Variants in LCOR observed in about 807,000 individuals in gnomAD.
LCOR encodes ligand dependent nuclear receptor corepressor.
In LCOR, 14 loss-of-function variants were observed where a neutral mutation model predicts 64.4. The ratio of observed to expected loss-of-function variants is 0.22; its 90% CI spans 0.14 to 0.34. The LOEUF is 0.34. Among genes scored for constraint, LCOR ranks in the 10% least tolerant of loss-of-function variants. The probability of loss-of-function intolerance (pLI) is 1.00; values close to 1 mark genes in which losing one functional copy is unlikely to be tolerated. For missense variants in LCOR, 1,686 were observed against 1,765.3 expected, an observed-to-expected ratio of 0.96 and a Z score of 0.80; for synonymous variants, 643 against 642.5, an observed-to-expected ratio of 1.00 and a Z score of -0.01.
intron 2 of LCOR, among the ~76,000 whole-genome samples, chr10:96,884,526 TG>T (rs1423913572): frequency 1.3e-5 from 2 of 152,204 alleles, no homozygotes; most frequent in Non-Finnish European, 2.9e-5. Context: ...TTTCTGCACC[TG>T]GGGGTGCAGT....
intron 2 of LCOR, among the ~76,000 whole-genome samples, chr10:96,860,778 T>A (rs1845875731): frequency 2.0e-5 from 3 of 152,246 alleles, no homozygotes. Context: ...ATAGTTACAG[T>A]TTAGCTGAAC....
intron 2 of LCOR, among the ~76,000 whole-genome samples, chr10:96,876,013 TAA>T (rs78165964): frequency 7.1e-5 from 10 of 140,072 alleles, no homozygotes; most frequent in Non-Finnish European, 7.8e-5. Context: ...ACTTAAACAT[TAA>T]AAAAAAAAAA....
chr10:96,881,860 G>A (rs1935662693), intron 2 of LCOR, among the ~76,000 whole-genome samples: 1 of 152,164 alleles, frequency 6.6e-6, no homozygotes, highest in Admixed American at 6.5e-5. Context: ...CATGTGATCT[G>A]TCTTCCATTG....
intron 2 of LCOR, among the ~76,000 whole-genome samples, chr10:96,906,374 T>C (rs2134451943): frequency 6.6e-6 from 1 of 152,292 alleles, no homozygotes; most frequent in East Asian, 1.9e-4. Flanking sequence ...CCCGGTGAGG[T>C]CCATGGCAAA....
At chr10:96,853,301 GCCT>G (rs1845750826) in intron 2 of LCOR, among the ~76,000 whole-genome samples, 1 of 152,154 alleles carries the variant, frequency 6.6e-6, no homozygotes, top group African/African-American at 2.4e-5. Context: ...GCCCGCCTCA[GCCT>G]CCCAAGTGCT....
In LCOR at chr10:96,958,802, T is replaced by A. The variant is rs190311815; in HGVS notation, c.332+6606T>A. 1.6e-3 allele frequency: 281 copies of A among 180,010 alleles called. 1 individual carries two copies. The highest frequency in any genetic ancestry group is 7.2e-3 in the Middle Eastern group (3 of 416). 11.2% of individuals were successfully genotyped at this position (180,010 alleles called of 1,614,324 possible). On this transcript the variant is annotated intron_variant, in intron 7 of 7. Coordinates refer to ENST00000421806, the MANE Select transcript of LCOR (RefSeq NM_001346516.2). ...ATTTTAAAGCACTAATTGCATTACA[T>A]TGGTAACTGCAATATAAAATAGCCA...
At chr10:96,870,997 C>T (rs1194856635) in intron 2 of LCOR, among the ~76,000 whole-genome samples, 2 of 152,030 alleles carry the variant, frequency 1.3e-5, no homozygotes, top group East Asian at 1.9e-4. Context: ...ATTGAGCTCC[C>T]GAAGTACAGA....
In LCOR at chr10:96,983,620, G is replaced by C. The variant is rs1427412225; in HGVS notation, c.3160G>C (p.Ala1054Pro). The C allele has an allele frequency of 6.2e-7, 1 of 1,614,052 alleles. No homozygotes were observed. Among genetic ancestry groups the C allele is most frequent in the Admixed American group, 1.7e-5 (1 of 59,998 alleles). Residue 1054 changes from alanine (A) to proline (P), a missense_variant, in exon 8 of 8, where the codon GCT (alanine) becomes CCT (proline). By Grantham distance (27) the Ala-to-Pro change is conservative. Transcript: ENST00000421806. This position sits in a 1 kb window ranked among gnomAD's most constrained non-coding sequence, Gnocchi z 4.5. The stretch of plus-strand genomic sequence containing the variant: ...CGCTCATTCTCTGGGCTCCTTGGAT[G>C]CTTCAAAAGTGACTTCAGAAAAGGA... ...RHAHSLGSLD[A>P]SKVTSEKEAA...
At chr10:96,924,372 T>C (rs553274443) in intron 4 of LCOR, among the ~76,000 whole-genome samples, 5 of 128,606 alleles carry the variant, frequency 3.9e-5, no homozygotes, top group African/African-American at 2.1e-4. Flanking sequence ...CCAGCCAATT[T>C]GTTTTTGTTT....
intron 4 of LCOR, among the ~76,000 whole-genome samples, chr10:96,914,515 C>T (rs368809070): frequency 6.6e-6 from 1 of 152,324 alleles, no homozygotes; most frequent in South Asian, 2.1e-4. Flanking sequence ...TATTTTAATA[C>T]ATTGAAAGTT....
In LCOR at chr10:96,983,544, A is replaced by C. The variant is rs953338549; in HGVS notation, c.3084A>C (p.Lys1028Asn). 1.2e-6 allele frequency: 2 copies of C among 1,614,004 alleles called. No homozygotes were observed. The highest frequency in any genetic ancestry group is 3.3e-5 in the Admixed American group (2 of 60,012). The change falls in exon 8 of 8, where the codon AAA (lysine) becomes AAC (asparagine). Residue 1028 changes from lysine (K) to asparagine (N), a missense_variant. By Grantham distance (94) the Lys-to-Asn change is moderately conservative. Around this residue, in one of 3 missense-constraint regions of LCOR, gnomAD observed 1,293 missense variants for 1,410.4 expected, o/e 0.92. Coordinates refer to ENST00000421806, the MANE Select transcript of LCOR (RefSeq NM_001346516.2). The surrounding 1 kb of genome is among the most constrained non-coding windows in gnomAD (Gnocchi z 4.5). ...GTGGTGATGCTGCTAGGGCACCAAA[A>C]TCGGTGCCAAGGCCTAAAAGATTGA... ...SGSGDAARAP[K>N]SVPRPKRLTS...
Position 96,983,245 on chromosome 10 carries a change from C to T in LCOR, c.2785C>T (p.Pro929Ser). Residue 929 changes from proline (P) to serine (S), a missense_variant, in exon 8 of 8, where the codon CCC (proline) becomes TCC (serine). Pro to Ser is a moderately conservative substitution (Grantham distance 74). Transcript: ENST00000421806. The surrounding 1 kb of genome is among the most constrained non-coding windows in gnomAD (Gnocchi z 4.5). ...CAAGGAGTTACGAGGAGAGATTTTC[C>T]CCAGCAGGGACCCCATAACCACAGC... ...EVKELRGEIF[P>S]SRDPITTAGQ... 1 of 1,614,110 alleles carries T rather than the reference C, an allele frequency of 6.2e-7. No individual in the cohort carries two copies. The highest frequency in any genetic ancestry group is 1.1e-5 in the South Asian group (1 of 91,084).
intron 2 of LCOR, among the ~76,000 whole-genome samples, chr10:96,882,892 A>G (rs777874556): frequency 3.7e-4 from 56 of 152,022 alleles, no homozygotes; most frequent in Non-Finnish European, 6.8e-4. Context: ...GTATTACTCC[A>G]TGTCTCTTTA....
chr10:96,881,842 T>C (rs2134420462), intron 2 of LCOR, among the ~76,000 whole-genome samples: 2 of 152,230 alleles, frequency 1.3e-5, no homozygotes, highest in East Asian at 3.8e-4. Context: ...AAATATCCTC[T>C]TAAAAGCCAT....
chr10:96,850,470 T>G (rs1206053868), intron 2 of LCOR, among the ~76,000 whole-genome samples: 3 of 152,144 alleles, frequency 2.0e-5, no homozygotes, highest in Non-Finnish European at 4.4e-5. Context: ...TAAGAAGAGA[T>G]ATGGCATTAA....
At chr10:96,962,401 A>T (rs1847895617) in intron 7 of LCOR, 1 of 152,160 alleles carries the variant, frequency 6.6e-6, no homozygotes, top group African/African-American at 2.4e-5. Flanking sequence ...TTTACTTTGT[A>T]AATTTTTAAT....
At chr10:96,871,542 A>G (rs1846072173) in intron 2 of LCOR, among the ~76,000 whole-genome samples, 1 of 151,390 alleles carries the variant, frequency 6.6e-6, no homozygotes, top group Admixed American at 6.6e-5. Context: ...CCTTGAGAGT[A>G]GCTGGGCCTA....
At chr10:96,925,057 A>T (rs557354491) in intron 4 of LCOR, among the ~76,000 whole-genome samples, 91 of 150,126 alleles carry the variant, frequency 6.1e-4, no homozygotes, top group African/African-American at 2.0e-3. Flanking sequence ...TATTTATTTT[A>T]TTTATTTATT....
chr10:96,949,425 T>G (rs952009463), intron 6 of LCOR, 130 bp downstream of exon 6: 1 of 863,732 alleles, frequency 1.2e-6, no homozygotes, highest in African/African-American at 1.7e-5. Flanking sequence ...CTTAAATTAT[T>G]TCTTACTATG....
Sources: allele counts gnomAD v4.1 joint callset (sites outside exome capture counted in the v4.1 genomes callset), GRCh38; gene constraint gnomAD v4.1.1; regional missense constraint gnomAD v4.1.1; non-coding constraint Gnocchi (gnomAD v3.1); transcripts MANE v1.5; gene names NCBI Gene and HGNC (gene_info 2026-07-23, HGNC 2026-07-21).